The following GPC5 variants were observed in gnomAD, a reference collection of about 807,000 sequenced individuals.
GPC5 encodes glypican 5.
A neutral mutation model predicts 53.9 loss-of-function variants in GPC5; 47 were observed. The observed-to-expected ratio is 0.87, with a 90% CI of 0.69 to 1.11. The LOEUF (loss-of-function observed/expected upper bound fraction) is 1.11. GPC5 is among the 50% of genes most tolerant of loss of function. GPC5 has a pLI of 0.00. For synonymous variants in GPC5, 286 were observed against 263.3 expected (o/e 1.09, Z -0.84); for missense variants, 748 against 713.1 (o/e 1.05, Z -0.56).
At chr13:91,695,774 A>G (rs1198175727) in intron 3 of GPC5, among the ~76,000 whole-genome samples, 2 of 152,218 alleles carry the variant, frequency 1.3e-5, no homozygotes, top group Non-Finnish European at 2.9e-5. Flanking sequence ...GGGTCATTAT[A>G]ACTTAATGTC....
intron 2 of GPC5, among the ~76,000 whole-genome samples, chr13:91,546,519 A>G (rs186737947): frequency 1.3e-5 from 2 of 152,210 alleles, no homozygotes; most frequent in Admixed American, 6.5e-5. Flanking sequence ...TTTTTAATCA[A>G]TTTTTTAAAA....
Position 92,039,142 on chromosome 13 carries a change from GA to G in GPC5, c.1402-105687del, listed in dbSNP as rs548295865. On this transcript the variant is annotated intron_variant, in intron 6 of 7. Transcript: ENST00000377067. The stretch of plus-strand genomic sequence containing the variant: ...TGGGTTTGGGAGAGAAAGACAAGAG[GA>G]GCATTGGAGCCTGTGGCTCTGGTCA... Among the ~76,000 whole-genome samples, 586 of 152,320 alleles carry G rather than the reference GA, an allele frequency of 3.8e-3. 8 individuals carry two copies. Among genetic ancestry groups the G allele is most frequent in the African/African-American group, 0.014 (563 of 41,568 alleles).
chr13:91,790,396 C>A (rs2037945755), intron 5 of GPC5, among the ~76,000 whole-genome samples: 1 of 152,162 alleles, frequency 6.6e-6, no homozygotes, highest in African/African-American at 2.4e-5. Flanking sequence ...TCAACTTTTT[C>A]ATGCATTTAC....
At chr13:91,571,904 T>TGTG (rs1485058372) in intron 2 of GPC5, among the ~76,000 whole-genome samples, 9 of 62,746 alleles carry the variant, frequency 1.4e-4, no homozygotes, top group South Asian at 5.2e-4. Context: ...TATACACATA[T>TGTG]TGTATATATA....
chr13:91,909,181 A>G (rs537876431), intron 6 of GPC5, among the ~76,000 whole-genome samples: 86 of 152,360 alleles, frequency 5.6e-4, no homozygotes, highest in African/African-American at 1.9e-3. Context: ...AATAAATTCT[A>G]TTGGAAAAGT....
At chr13:92,776,375 T>C (rs1257167685) in intron 7 of GPC5, among the ~76,000 whole-genome samples, 2 of 152,162 alleles carry the variant, frequency 1.3e-5, no homozygotes, top group Non-Finnish European at 2.9e-5. Flanking sequence ...TGCCTCTGAA[T>C]CATCTGCTTC....
chr13:92,124,249 A>G (rs948959824), intron 6 of GPC5, among the ~76,000 whole-genome samples: 4 of 50,062 alleles, frequency 8.0e-5, no homozygotes, highest in Non-Finnish European at 1.8e-4. Flanking sequence ...GGACAGAATG[A>G]AAAAAAAAAA....
At chr13:92,864,236 A>G (rs560648164) in intron 7 of GPC5, among the ~76,000 whole-genome samples, 1 of 152,282 alleles carries the variant, frequency 6.6e-6, no homozygotes, top group African/African-American at 2.4e-5. Context: ...CTTATTACTC[A>G]AAGGCCATAT....
At chr13:91,810,805 GA>G (rs1327383151) in intron 5 of GPC5, among the ~76,000 whole-genome samples, 3 of 151,574 alleles carry the variant, frequency 2.0e-5, no homozygotes, top group Non-Finnish European at 3.0e-5. Flanking sequence ...AAACATTAAG[GA>G]AAAATAGTTA....
intron 4 of GPC5, among the ~76,000 whole-genome samples, chr13:91,748,296 T>G (rs533322543): frequency 2.0e-5 from 3 of 152,158 alleles, no homozygotes; most frequent in Non-Finnish European, 4.4e-5. Flanking sequence ...TTTAGTAGAG[T>G]CTGGCTCAGT....
chr13:91,654,187 A>G (rs1163206097), intron 2 of GPC5, among the ~76,000 whole-genome samples: 1 of 152,184 alleles, frequency 6.6e-6, no homozygotes, highest in African/African-American at 2.4e-5. Flanking sequence ...TCCTGGTTCC[A>G]CACAGTGAGA....
At position 91,433,558 on chromosome 13, in the gene GPC5, T is replaced by C. The variant is rs1309878169; in HGVS notation, c.164-15203T>C. Among the ~76,000 whole-genome samples the C allele has an allele frequency of 7.2e-5, 11 of 152,272 alleles. No individual in the cohort carries two copies. In the South Asian group the frequency reaches 1.5e-3, roughly 20 times the overall value. ...TCATTTTTTATGGCTGCATAGTATT[T>C]CATGGTGTATATGTGCCACATTTTC... On this transcript the variant is annotated intron_variant, in intron 1 of 7. Transcript: ENST00000377067.
At position 92,136,536 on chromosome 13, in the gene GPC5, T is replaced by C. The variant is rs374054264; in HGVS notation, c.1402-8294T>C. Among the ~76,000 whole-genome samples, 56 of 152,330 alleles carry C rather than the reference T, an allele frequency of 3.7e-4. 1 individual carries two copies. The highest frequency in any genetic ancestry group is 1.2e-3 in the African/African-American group (51 of 41,576). On this transcript the variant is annotated intron_variant, in intron 6 of 7. Transcript: ENST00000377067. ...AAGTGTACAAGTGCATATTTTACCATGTTTACATTTGAATGGGTGACTAGA... is the reference window on the plus strand; with the variant it reads ...AAGTGTACAAGTGCATATTTTACCACGTTTACATTTGAATGGGTGACTAGA...
chr13:91,763,720 A>G (rs369688492), intron 5 of GPC5, among the ~76,000 whole-genome samples: 9 of 152,070 alleles, frequency 5.9e-5, no homozygotes, highest in African/African-American at 2.2e-4. Flanking sequence ...GCCTTCCTCT[A>G]TTACACTTTC....
At chr13:91,456,986 A>G (rs1054087631) in intron 2 of GPC5, among the ~76,000 whole-genome samples, 2 of 152,078 alleles carry the variant, frequency 1.3e-5, no homozygotes, top group Non-Finnish European at 2.9e-5. Flanking sequence ...CTGAGGGAGC[A>G]TTTGAATACA....
At chr13:92,655,322 TTTATTTATTTTATTTTTATTTTA>T (rs965174004) in intron 7 of GPC5, among the ~76,000 whole-genome samples, 14 of 136,626 alleles carry the variant, frequency 1.0e-4, no homozygotes, top group South Asian at 2.6e-4. Context: ...TATTTATTTA[TTTATTTATTTTATTTTTATTTTA>T]TTTTTTGAGA....
intron 7 of GPC5, among the ~76,000 whole-genome samples, chr13:92,162,398 G>A (rs1019205205): frequency 1.3e-5 from 2 of 152,108 alleles, no homozygotes; most frequent in African/African-American, 4.8e-5. Context: ...GAGTAATCAG[G>A]GAAAATTACA....
At chr13:91,456,729 G>A (rs1331749761) in intron 2 of GPC5, among the ~76,000 whole-genome samples, 1 of 151,678 alleles carries the variant, frequency 6.6e-6, no homozygotes, top group Non-Finnish European at 1.5e-5. Context: ...AAATTATATT[G>A]ATAATGATAT....
At chr13:92,741,262 A>T (rs1423844850) in intron 7 of GPC5, among the ~76,000 whole-genome samples, 1 of 151,648 alleles carries the variant, frequency 6.6e-6, no homozygotes, top group Non-Finnish European at 1.5e-5. Context: ...ATTGATTAAT[A>T]GATTAATGGA....
Sources: allele counts gnomAD v4.1 joint callset (sites outside exome capture counted in the v4.1 genomes callset), GRCh38; gene constraint gnomAD v4.1.1; transcripts MANE v1.5; gene names NCBI Gene and HGNC (gene_info 2026-07-23, HGNC 2026-07-21).